MSRA: variants seen among roughly 807,000 people sequenced by gnomAD.
MSRA encodes mitochondrial peptide methionine sulfoxide reductase.
Under a neutral mutation model 31.3 loss-of-function variants are expected in MSRA, and 54 were observed. The ratio of observed to expected loss-of-function variants is 1.73; its 90% CI spans 1.39 to 2.17. MSRA has a LOEUF of 2.17. Ranked by LOEUF, MSRA falls within the 30% of genes most tolerant of loss-of-function variation. The probability of loss-of-function intolerance (pLI) is 0.00; values close to 1 mark genes in which losing one functional copy is unlikely to be tolerated. For synonymous variants in MSRA, 169 were observed against 116.5 expected, an observed-to-expected ratio of 1.45 and a Z score of -2.90; for missense variants, 507 against 300.9, an observed-to-expected ratio of 1.69 and a Z score of -5.07.
At chr8:10,127,027 C>G (rs1263350568) in intron 1 of MSRA, among the ~76,000 whole-genome samples, 1 of 152,206 alleles carries the variant, frequency 6.6e-6, no homozygotes, top group East Asian at 1.9e-4. Context: ...TTGGGGACCC[C>G]TGCTCTAGAG....
chr8:10,339,377 G>A (rs1177601540), intron 5 of MSRA, among the ~76,000 whole-genome samples: 1 of 152,122 alleles, frequency 6.6e-6, no homozygotes, highest in Non-Finnish European at 1.5e-5. Context: ...CAAAACTTAT[G>A]ATTCAGGTCC....
intron 5 of MSRA, among the ~76,000 whole-genome samples, chr8:10,422,370 G>A (rs1808866037): frequency 6.6e-6 from 1 of 152,124 alleles, no homozygotes; most frequent in East Asian, 1.9e-4. Flanking sequence ...CTAGGTAAGG[G>A]GCCCATTTCA....
chr8:10,230,206 C>T (rs1811346954), intron 2 of MSRA, among the ~76,000 whole-genome samples: 1 of 152,204 alleles, frequency 6.6e-6, no homozygotes, highest in Admixed American at 6.5e-5. Context: ...GCAGGCATTC[C>T]ATAGGGTAGA....
rs901361923 is a variant in MSRA, at chr8:10,054,415, C to T, written c.-102C>T. On this transcript the variant is annotated 5_prime_UTR_variant, in exon 1 of 6. Coordinates refer to ENST00000317173, the MANE Select transcript of MSRA (RefSeq NM_012331.5). ...CGCCCGCCCGCCCGCGCCCCTGCCG[C>T]CCCCCGGTTCCGGCCGCGGACCCCA... 4 of 1,096,956 alleles carry T rather than the reference C, an allele frequency of 3.6e-6. No individual in the cohort carries two copies. The highest frequency in any genetic ancestry group is 2.9e-5 in the South Asian group (1 of 34,066). 68.0% of individuals were successfully genotyped at this position (1,096,956 alleles called of 1,614,324 possible). A position where few individuals can be genotyped will look rare whatever the true frequency, so the allele number is the denominator to read the frequency against.
intron 1 of MSRA, among the ~76,000 whole-genome samples, chr8:10,058,192 A>G (rs1420799004): frequency 1.3e-5 from 2 of 152,192 alleles, no homozygotes; most frequent in Non-Finnish European, 2.9e-5. Context: ...ATTCTCTTTT[A>G]AGAACTTTAA....
At chr8:10,328,045 TTTTTTTTAG>T (rs1224989031) in intron 5 of MSRA, among the ~76,000 whole-genome samples, 3 of 140,032 alleles carry the variant, frequency 2.1e-5, no homozygotes, top group Middle Eastern at 3.4e-3. Flanking sequence ...TTTTTTTTTT[TTTTTTTTAG>T]TATCAGTGAC....
At position 10,305,282 on chromosome 8, in the gene MSRA, C is replaced by G. The variant is rs537704442; in HGVS notation, c.436+3644C>G. Reference sequence around the variant, plus strand: ...GCTTAGAGTCCCCTTTCAGTTAAATCAGATCTTCATGGCATAGGCTAAACA... The same window carrying G: ...GCTTAGAGTCCCCTTTCAGTTAAATGAGATCTTCATGGCATAGGCTAAACA... On this transcript the variant is annotated intron_variant, in intron 4 of 5. Coordinates refer to ENST00000317173, the MANE Select transcript of MSRA (RefSeq NM_012331.5). Among the ~76,000 whole-genome samples the G allele has an allele frequency of 5.1e-4, 78 of 152,210 alleles. 1 individual carries two copies. The South Asian group carries it at 0.015, about 30-fold the overall frequency.
chr8:10,389,433 T>G (rs377440896), intron 5 of MSRA, among the ~76,000 whole-genome samples: 1 of 152,392 alleles, frequency 6.6e-6, no homozygotes, highest in South Asian at 2.1e-4. Context: ...GTAGCTGTTA[T>G]GCACTAAATG....
At chr8:10,192,757 G>A (rs917956196) in intron 1 of MSRA, among the ~76,000 whole-genome samples, 1 of 152,206 alleles carries the variant, frequency 6.6e-6, no homozygotes. Context: ...CACTGAAACA[G>A]TATTCTGTAA....
intron 2 of MSRA, among the ~76,000 whole-genome samples, chr8:10,243,064 T>G (rs567318856): frequency 6.6e-6 from 1 of 152,276 alleles, no homozygotes; most frequent in East Asian, 1.9e-4. Context: ...CCAAGAACAT[T>G]TTAAGTTTTA....
At chr8:10,169,908 T>G (rs1313865077) in intron 1 of MSRA, among the ~76,000 whole-genome samples, 2 of 133,230 alleles carry the variant, frequency 1.5e-5, no homozygotes, top group East Asian at 4.7e-4. Flanking sequence ...CTTGGTATTT[T>G]CTTTCTTTCT....
intron 2 of MSRA, among the ~76,000 whole-genome samples, chr8:10,221,544 C>G (rs141002878): frequency 0.015 from 2,249 of 152,086 alleles, 35 homozygotes; most frequent in South Asian, 0.055. Flanking sequence ...AATGGCAGAA[C>G]TAGTTAATGG....
intron 1 of MSRA, among the ~76,000 whole-genome samples, chr8:10,118,320 G>T (rs951160519): frequency 6.6e-6 from 1 of 152,178 alleles, no homozygotes; most frequent in Non-Finnish European, 1.5e-5. Context: ...GCTGCGTGCA[G>T]TGAACCATGG....
At chr8:10,161,326 T>G (rs1448885722) in intron 1 of MSRA, among the ~76,000 whole-genome samples, 1 of 152,194 alleles carries the variant, frequency 6.6e-6, no homozygotes, top group Non-Finnish European at 1.5e-5. Flanking sequence ...GCTGTTTCCT[T>G]GGGCAGGAAT....
chr8:10,194,845 A>G (rs1807837962), intron 1 of MSRA, among the ~76,000 whole-genome samples: 1 of 152,092 alleles, frequency 6.6e-6, no homozygotes, highest in African/African-American at 2.4e-5. Context: ...CTGGGAAGAG[A>G]CTCCTGGGCT....
chr8:10,243,357 C>T (rs1276654823), intron 2 of MSRA, among the ~76,000 whole-genome samples: 1 of 152,258 alleles, frequency 6.6e-6, no homozygotes, highest in Admixed American at 6.5e-5. Flanking sequence ...TACAGCTTGT[C>T]CTTTTCCAGA....
chr8:10,186,221 C>A (rs1219987054), intron 1 of MSRA, among the ~76,000 whole-genome samples: 1 of 152,140 alleles, frequency 6.6e-6, no homozygotes, highest in African/African-American at 2.4e-5. Context: ...ACTTTGCCAT[C>A]CTCTTCTCAT....
At chr8:10,086,401 G>C (rs903247092) in intron 1 of MSRA, among the ~76,000 whole-genome samples, 4 of 152,190 alleles carry the variant, frequency 2.6e-5, no homozygotes, top group Admixed American at 6.5e-5. Flanking sequence ...CTTTGAAGAA[G>C]CACCGTTAAG....
At chr8:10,132,933 G>A (rs545180685) in intron 1 of MSRA, among the ~76,000 whole-genome samples, 5 of 152,202 alleles carry the variant, frequency 3.3e-5, no homozygotes, top group Non-Finnish European at 7.3e-5. Flanking sequence ...GGGCTAGCAG[G>A]CCAGAAGGTT....
Sources: allele counts gnomAD v4.1 joint callset (sites outside exome capture counted in the v4.1 genomes callset), GRCh38; gene constraint gnomAD v4.1.1; transcripts MANE v1.5; gene names NCBI Gene and HGNC (gene_info 2026-07-23, HGNC 2026-07-21).